Variants in MAF observed in about 807,000 individuals in gnomAD.
MAF encodes the protein transcription factor Maf.
Under a neutral mutation model 22.0 loss-of-function variants are expected in MAF, and 10 were observed. The ratio of observed to expected loss-of-function variants is 0.45; its 90% CI spans 0.28 to 0.77. The LOEUF (loss-of-function observed/expected upper bound fraction) is 0.77, where lower values mean the gene tolerates loss of function less well. Ranked by LOEUF, MAF falls within the 30% of genes least tolerant of loss-of-function variation. MAF has a pLI of 0.12. For synonymous variants in MAF, 337 were observed against 255.8 expected, an observed-to-expected ratio of 1.32 and a Z score of -3.03; for missense variants, 544 against 548.4, an observed-to-expected ratio of 0.99 and a Z score of 0.08.
At chr16:79,598,152 A>G (rs528406648) in intron 1 of MAF, 1 of 1,050,620 alleles carries the variant, frequency 9.5e-7, no homozygotes, top group Non-Finnish European at 1.1e-6. Flanking sequence ...CAGGAGAAGA[A>G]AAAAAAACTT....
chr16:79,482,777 G>A, the MAF span, among the ~76,000 whole-genome samples: 1 of 151,976 alleles, frequency 6.6e-6, no homozygotes, highest in South Asian at 2.1e-4. Context: ...TCAAGGAGTG[G>A]GGAATCTGGC....
chr16:79,285,079 C>G, the MAF span, among the ~76,000 whole-genome samples: 1 of 152,118 alleles, frequency 6.6e-6, no homozygotes, highest in Non-Finnish European at 1.5e-5. Context: ...GCCCAGAAAA[C>G]CTTCCATACC....
At chr16:79,454,261 C>A in the MAF span, among the ~76,000 whole-genome samples, 1 of 152,122 alleles carries the variant, frequency 6.6e-6, no homozygotes, top group Non-Finnish European at 1.5e-5. Context: ...CCCTCAGGGC[C>A]ATTGTTCCCT....
chr16:79,400,030 C>T, the MAF span, among the ~76,000 whole-genome samples: 7 of 152,114 alleles, frequency 4.6e-5, no homozygotes, highest in Non-Finnish European at 4.4e-5. Context: ...TGGCAGTACC[C>T]GACACAGGTC....
chr16:79,374,434 C>G, the MAF span, among the ~76,000 whole-genome samples: 2 of 152,216 alleles, frequency 1.3e-5, no homozygotes, highest in Non-Finnish European at 2.9e-5. Context: ...TGTTCCCTCC[C>G]CTACATTTCT....
the MAF span, among the ~76,000 whole-genome samples, chr16:79,368,039 C>A: frequency 2.0e-5 from 3 of 152,176 alleles, no homozygotes; most frequent in Non-Finnish European, 4.4e-5. Flanking sequence ...CCTGGCTGAA[C>A]AGCTCCCTGA....
chr16:79,235,718 G>C, the MAF span, among the ~76,000 whole-genome samples: 2 of 152,094 alleles, frequency 1.3e-5, no homozygotes, highest in South Asian at 4.2e-4. Context: ...CCTCAATGTT[G>C]GGAGGTGGGC....
chr16:79,406,785 G>A, the MAF span, among the ~76,000 whole-genome samples: 76 of 152,202 alleles, frequency 5.0e-4, no homozygotes, highest in Admixed American at 1.4e-3. Flanking sequence ...TTACCTTATG[G>A]TGCTCCAGAT....
the MAF span, among the ~76,000 whole-genome samples, chr16:79,390,763 T>C: frequency 6.6e-6 from 1 of 152,164 alleles, no homozygotes; most frequent in Non-Finnish European, 1.5e-5. Flanking sequence ...GAGAAATTAA[T>C]TGTCCTTGTT....
the MAF span, among the ~76,000 whole-genome samples, chr16:79,409,697 C>T: frequency 6.6e-6 from 1 of 152,184 alleles, no homozygotes; most frequent in African/African-American, 2.4e-5. Flanking sequence ...GGGTTGGCTG[C>T]AGCAAAACTT....
the MAF span, among the ~76,000 whole-genome samples, chr16:79,556,980 C>CT: frequency 4.0e-3 from 441 of 110,162 alleles, 4 homozygotes; most frequent in African/African-American, 0.012. Flanking sequence ...ATACAACAAG[C>CT]TTTAAAAAAA....
At chr16:79,596,569 G>A (rs563042926) in intron 1 of MAF, 74 of 1,047,464 alleles carry the variant, frequency 7.1e-5, no homozygotes, top group Non-Finnish European at 8.3e-5. Context: ...GGAACAACAC[G>A]CGTGGTTAGT....
chr16:79,447,253 A>G, the MAF span, among the ~76,000 whole-genome samples: 1 of 152,018 alleles, frequency 6.6e-6, no homozygotes, highest in African/African-American at 2.4e-5. Context: ...AAGTGGAGAA[A>G]CAATGTCTGG....
the MAF span, among the ~76,000 whole-genome samples, chr16:79,449,886 T>C: frequency 6.6e-6 from 1 of 152,214 alleles, no homozygotes; most frequent in African/African-American, 2.4e-5. Flanking sequence ...CCAGAGAATT[T>C]CAGCAGCGGC....
the MAF span, among the ~76,000 whole-genome samples, chr16:79,304,337 T>C: frequency 1.3e-5 from 2 of 152,208 alleles, no homozygotes; most frequent in African/African-American, 4.8e-5. Flanking sequence ...GATGCAGTTA[T>C]ACCGCTTGGA....
chr16:79,475,352 A>G, the MAF span, among the ~76,000 whole-genome samples: 5 of 105,604 alleles, frequency 4.7e-5, no homozygotes. Flanking sequence ...ATATATATGT[A>G]TGTATATATA....
chr16:79,277,385 A>G, the MAF span, among the ~76,000 whole-genome samples: 1 of 152,232 alleles, frequency 6.6e-6, no homozygotes, highest in African/African-American at 2.4e-5. Context: ...ACTTTGTTAC[A>G]GGACTGTAGC....
chr16:79,318,928 C>T, the MAF span, among the ~76,000 whole-genome samples: 32 of 152,306 alleles, frequency 2.1e-4, no homozygotes, highest in African/African-American at 7.2e-4. Flanking sequence ...CAACAGCCAT[C>T]AGAACCCTCA....
chr16:79,413,114 C>T, the MAF span, among the ~76,000 whole-genome samples: 2 of 152,012 alleles, frequency 1.3e-5, no homozygotes, highest in African/African-American at 4.8e-5. Context: ...TACATACTCC[C>T]CAGGACAAGT....
Sources: allele counts gnomAD v4.1 joint callset (sites outside exome capture counted in the v4.1 genomes callset), GRCh38; gene constraint gnomAD v4.1.1; transcripts MANE v1.5; gene names NCBI Gene and HGNC (gene_info 2026-07-23, HGNC 2026-07-21).